The following RUBCN variants were observed in gnomAD, a reference collection of about 807,000 sequenced individuals.
RUBCN encodes the protein run domain Beclin-1-interacting and cysteine-rich domain-containing protein.
RUBCN carries 74 observed loss-of-function variants against 113.2 expected under a neutral mutation model. The observed-to-expected ratio is 0.65, with a 90% CI of 0.54 to 0.79. The LOEUF is 0.79. RUBCN is among the 30% of genes least tolerant of loss of function. RUBCN has a pLI of 0.00. For synonymous variants in RUBCN, 480 were observed against 490.0 expected (o/e 0.98, Z 0.27); for missense variants, 1,109 against 1,251.7 (o/e 0.89, Z 1.72).
Position 197,683,586 on chromosome 3 carries a change from G to A in RUBCN, c.1848-147C>T, listed in dbSNP as rs895092742. On this transcript the variant is annotated intron_variant, in intron 12 of 19. Transcript: ENST00000296343. The surrounding 1 kb of genome is among the most constrained non-coding windows in gnomAD (Gnocchi z 4.6). ...TGGCCTGCTCATCACCCTCACACAT[G>A]GGACAGTCAAAGTCCACTAGTCTCA... 1 of 888,810 alleles carries A rather than the reference G, an allele frequency of 1.1e-6. No individual in the cohort carries two copies. The highest frequency in any genetic ancestry group is 1.7e-5 in the African/African-American group (1 of 60,514). 55.1% of individuals were successfully genotyped at this position (888,810 alleles called of 1,614,324 possible).
Position 197,704,695 on chromosome 3 carries a change from T to C in RUBCN, c.310A>G (p.Ser104Gly). ...CTGCTCTGGTCGTTCTCGTGCACGC[T>C]GATGAACTGGGAAGCAAAGGGGCAT... ...HSALHVEKFI[S>G]VHENDQSSAD... The change falls in exon 4 of 20, where the codon AGC (serine) becomes GGC (glycine). Residue 104 changes from serine (S) to glycine (G), a missense_variant. Around this residue, in one of 3 missense-constraint regions of RUBCN, gnomAD observed 736 missense variants for 779.6 expected, o/e 0.94. Coordinates refer to ENST00000296343, the MANE Select transcript of RUBCN (RefSeq NM_014687.4). The C allele has an allele frequency of 1.2e-6, 2 of 1,613,728 alleles. No individual in the cohort carries two copies. The highest frequency in any genetic ancestry group is 2.2e-5 in the South Asian group (2 of 91,054).
chr3:197,724,028 G>A (rs1726460681), intron 1 of RUBCN, among the ~76,000 whole-genome samples: 1 of 152,172 alleles, frequency 6.6e-6, no homozygotes, highest in African/African-American at 2.4e-5. Context: ...AACCTGGGGG[G>A]CGGCCTAAGT....
Position 197,671,104 on chromosome 3 carries a change from T to A in RUBCN, c.*3914A>T, listed in dbSNP as rs1719747314. ...AGCTTGGCTCACTGCAGCCCTCGCCTTCCAGGTTCAAGTGATTCTCATGAT... is the reference window on the plus strand; with the variant it reads ...AGCTTGGCTCACTGCAGCCCTCGCCATCCAGGTTCAAGTGATTCTCATGAT... On this transcript the variant is annotated 3_prime_UTR_variant, in exon 20 of 20. Transcript: ENST00000296343. 6.6e-6 allele frequency among the ~76,000 whole-genome samples: 1 copy of A among 152,178 alleles called. No homozygotes were observed. The highest frequency in any genetic ancestry group is 2.4e-5 in the African/African-American group (1 of 41,434).
chr3:197,749,351 A>C, exon 1 of RUBCN: 1 of 1,169,556 alleles, frequency 8.6e-7, no homozygotes. Flanking sequence ...GAGAAGGTAC[A>C]GACACGGGAA....
chr3:197,713,435 T>C (rs1425337455), intron 2 of RUBCN, among the ~76,000 whole-genome samples: 3 of 152,212 alleles, frequency 2.0e-5, no homozygotes, highest in Non-Finnish European at 4.4e-5. Flanking sequence ...GTCAGCAGCC[T>C]GGGAAACTTG....
rs752469963 is a variant in RUBCN, at chr3:197,701,878, C to A, written c.571-14G>T. On this transcript the variant is annotated splice_polypyrimidine_tract_variant and intron_variant, in intron 5 of 19. Coordinates refer to ENST00000296343, the MANE Select transcript of RUBCN (RefSeq NM_014687.4). ...CTTTCTGGCAAACTAAAAAGCAAAA[C>A]AAAACCAAAAAATGTGTCAGAGTTA... The A allele has an allele frequency of 3.1e-6, 5 of 1,613,462 alleles. No homozygotes were observed. Among genetic ancestry groups the A allele is most frequent in the Admixed American group, 3.3e-5 (2 of 59,900 alleles).
At chr3:197,676,648 C>T (rs1371460319) in intron 18 of RUBCN, 37 of 1,393,782 alleles carry the variant, frequency 2.7e-5, no homozygotes, top group Admixed American at 8.9e-5. Flanking sequence ...CGGTCTTGCC[C>T]GGAGCTACCC....
At chr3:197,741,758 C>T (rs1728532299), upstream of RUBCN, among the ~76,000 whole-genome samples, 1 of 150,996 alleles carries the variant, frequency 6.6e-6, no homozygotes, top group African/African-American at 2.4e-5. Flanking sequence ...AGGAGGTGGA[C>T]ATTGCAGTGA....
At chr3:197,713,848 G>C (rs1275691028) in intron 2 of RUBCN, among the ~76,000 whole-genome samples, 1 of 152,028 alleles carries the variant, frequency 6.6e-6, no homozygotes, top group Non-Finnish European at 1.5e-5. Flanking sequence ...GCTGAGGTGG[G>C]CGAATCATGA....
At chr3:197,724,269 A>T (rs1000270848) in intron 1 of RUBCN, among the ~76,000 whole-genome samples, 1 of 152,110 alleles carries the variant, frequency 6.6e-6, no homozygotes, top group Non-Finnish European at 1.5e-5. Context: ...TAAGTATGTT[A>T]TAATAAGTAA....
intron 16 of RUBCN, among the ~76,000 whole-genome samples, chr3:197,678,165 T>A (rs1230932481): frequency 6.9e-5 from 10 of 145,978 alleles, no homozygotes; most frequent in African/African-American, 2.7e-4. Flanking sequence ...CTCTGACAGC[T>A]GGCTTCAGAC....
In RUBCN at chr3:197,697,363, A is replaced by G. The variant is rs1723130673; in HGVS notation, c.1262-314T>C. 2.6e-5 allele frequency among the ~76,000 whole-genome samples: 4 copies of G among 152,266 alleles called. No individual in the cohort carries two copies. In the South Asian group the frequency reaches 8.3e-4, roughly 32 times the overall value. On this transcript the variant is annotated intron_variant, in intron 7 of 19. Coordinates refer to ENST00000296343, the MANE Select transcript of RUBCN (RefSeq NM_014687.4). ...CATCTTTTAACCAAACATTACAGGA[A>G]TATCAGCTGATTCCTATCCTCTTGA...
At chr3:197,713,274 G>A (rs1358523955) in intron 2 of RUBCN, among the ~76,000 whole-genome samples, 1 of 152,234 alleles carries the variant, frequency 6.6e-6, no homozygotes, top group Non-Finnish European at 1.5e-5. Context: ...TTCAGGCACA[G>A]ATAGTGAAAC....
chr3:197,703,787 G>A (rs1488013032), intron 4 of RUBCN, 133 bp from the exon 5 acceptor site: 2 of 695,962 alleles, frequency 2.9e-6, no homozygotes, highest in Non-Finnish European at 5.2e-6. Flanking sequence ...AAGTAGAGGA[G>A]AAGCTGAAGA....
At chr3:197,722,929 T>C (rs1293421499) in intron 1 of RUBCN, among the ~76,000 whole-genome samples, 2 of 152,130 alleles carry the variant, frequency 1.3e-5, no homozygotes, top group African/African-American at 4.8e-5. Context: ...AGTCACTGTC[T>C]TTTATTTGGA....
Position 197,675,566 on chromosome 3 carries a change from T to C in RUBCN, c.2647-51A>G, listed in dbSNP as rs1720286748. 2 of 1,385,180 alleles carry C rather than the reference T, an allele frequency of 1.4e-6. No homozygotes were observed. The highest frequency in any genetic ancestry group is 2.1e-6 in the Non-Finnish European group (2 of 974,562). 85.8% of individuals were successfully genotyped at this position (1,385,180 alleles called of 1,614,324 possible). On this transcript the variant is annotated intron_variant, in intron 18 of 19. Transcript: ENST00000296343. This position sits in a 1 kb window ranked among gnomAD's most constrained non-coding sequence, Gnocchi z 4.4. Reference sequence around the variant, plus strand: ...AAATGAGGAGCGGCACATCAGGAACTGGCACGGGAGGGTGAACACCGAGGA... The same window carrying C: ...AAATGAGGAGCGGCACATCAGGAACCGGCACGGGAGGGTGAACACCGAGGA...
chr3:197,703,493 C>G, intron 5 of RUBCN, 55 bp downstream of exon 5: 1 of 1,099,216 alleles, frequency 9.1e-7, no homozygotes, highest in Non-Finnish European at 1.4e-6. Context: ...AGGGCTACAT[C>G]CTGCTGAGCT....
chr3:197,700,019 G>A (rs564459533), intron 7 of RUBCN, among the ~76,000 whole-genome samples: 12 of 152,232 alleles, frequency 7.9e-5, no homozygotes, highest in African/African-American at 2.6e-4. Flanking sequence ...CCTTCCCCAC[G>A]AGTAGGCTGC....
chr3:197,736,154 C>T (rs1383159680), intron 1 of RUBCN, among the ~76,000 whole-genome samples: 1 of 152,132 alleles, frequency 6.6e-6, no homozygotes, highest in African/African-American at 2.4e-5. Context: ...CCCAGGCTCT[C>T]CTCGCCTTCA....
Sources: allele counts gnomAD v4.1 joint callset (sites outside exome capture counted in the v4.1 genomes callset), GRCh38; gene constraint gnomAD v4.1.1; regional missense constraint gnomAD v4.1.1; non-coding constraint Gnocchi (gnomAD v3.1); transcripts MANE v1.5; gene names NCBI Gene and HGNC (gene_info 2026-07-23, HGNC 2026-07-21).